Variants in DCPH1 observed in about 807,000 individuals in gnomAD.
The protein encoded by DCPH1 is damage-control phosphatase 1.
chr6:151,454,581 A>G, the DCPH1 span: 1 of 1,569,174 alleles, frequency 6.4e-7, no homozygotes, highest in South Asian at 1.1e-5. Flanking sequence ...AAGACAGAAT[A>G]CCACAGATCT....
At chr6:151,460,404 A>G in the DCPH1 span, among the ~76,000 whole-genome samples, 1 of 151,080 alleles carries the variant, frequency 6.6e-6, no homozygotes, top group Non-Finnish European at 1.5e-5. Flanking sequence ...CGCCCAGCCT[A>G]TATATTTTTT....
chr6:151,460,733 G>A, the DCPH1 span, among the ~76,000 whole-genome samples: 1 of 151,132 alleles, frequency 6.6e-6, no homozygotes, highest in African/African-American at 2.4e-5. Context: ...GCAGTGAGCC[G>A]AAATCACACC....
chr6:151,454,701 A>ATTTCT, the DCPH1 span: 1 of 921,430 alleles, frequency 1.1e-6, no homozygotes, highest in South Asian at 1.4e-5. Context: ...CTCAACAGAA[A>ATTTCT]CATAATAAAT....
chr6:151,458,452 A>T, the DCPH1 span: 2 of 1,613,642 alleles, frequency 1.2e-6, no homozygotes, highest in Admixed American at 3.3e-5. Flanking sequence ...TGGAATCAGT[A>T]CCTAGAATAT....
the DCPH1 span, among the ~76,000 whole-genome samples, chr6:151,463,756 G>C: frequency 6.6e-6 from 1 of 152,112 alleles, no homozygotes; most frequent in Non-Finnish European, 1.5e-5. Context: ...TAATCTGAAT[G>C]TCTTTTATAT....
At chr6:151,459,180 C>A in the DCPH1 span, among the ~76,000 whole-genome samples, 1 of 152,014 alleles carries the variant, frequency 6.6e-6, no homozygotes, top group Admixed American at 6.6e-5. Flanking sequence ...AAGATTCCAA[C>A]AAAGACTTCT....
At chr6:151,461,454 C>T in the DCPH1 span, among the ~76,000 whole-genome samples, 5 of 152,088 alleles carry the variant, frequency 3.3e-5, no homozygotes, top group Non-Finnish European at 5.9e-5. Context: ...GTGGATCTCC[C>T]GAGGTCAGGA....
chr6:151,468,041 T>A, the DCPH1 span, among the ~76,000 whole-genome samples: 1 of 152,240 alleles, frequency 6.6e-6, no homozygotes, highest in Non-Finnish European at 1.5e-5. Context: ...GATGTTCTAA[T>A]ATCTGCAAGC....
the DCPH1 span, among the ~76,000 whole-genome samples, chr6:151,456,123 C>T: frequency 8.9e-3 from 1,363 of 152,322 alleles, 21 homozygotes; most frequent in African/African-American, 0.031. Context: ...AATGGAGTCT[C>T]CTATGTCTAC....
the DCPH1 span, among the ~76,000 whole-genome samples, chr6:151,460,308 TGAACTCCTGACCTC>T: frequency 2.1e-4 from 32 of 151,916 alleles, no homozygotes; most frequent in Middle Eastern, 0.01. Context: ...AGGCTGGCCT[TGAACTCCTGACCTC>T]GAACTCCTGA....
At chr6:151,455,736 ATCC>A in the DCPH1 span, among the ~76,000 whole-genome samples, 10 of 152,028 alleles carry the variant, frequency 6.6e-5, no homozygotes, top group South Asian at 4.1e-4. Context: ...TCTTACACTA[ATCC>A]TCCTCAGCAC....
the DCPH1 span, among the ~76,000 whole-genome samples, chr6:151,464,069 TAC>T: frequency 6.6e-6 from 1 of 152,240 alleles, no homozygotes; most frequent in Admixed American, 6.5e-5. Flanking sequence ...TTATATTCTA[TAC>T]ATTTGTTACT....
the DCPH1 span, among the ~76,000 whole-genome samples, chr6:151,467,205 C>T: frequency 4.6e-5 from 7 of 151,030 alleles, no homozygotes; most frequent in African/African-American, 1.2e-4. Context: ...GAGCCAAGAT[C>T]GCACCACCGC....
chr6:151,458,127 G>T, the DCPH1 span, among the ~76,000 whole-genome samples: 3 of 152,116 alleles, frequency 2.0e-5, no homozygotes, highest in East Asian at 5.8e-4. Flanking sequence ...AACTTAGGTA[G>T]ATAAGGCATG....
the DCPH1 span, among the ~76,000 whole-genome samples, chr6:151,457,246 C>G: frequency 6.6e-6 from 1 of 152,172 alleles, no homozygotes; most frequent in Non-Finnish European, 1.5e-5. Flanking sequence ...GAGACAGGAC[C>G]AGGCTTTATT....
chr6:151,468,162 A>G, the DCPH1 span, among the ~76,000 whole-genome samples: 2 of 152,256 alleles, frequency 1.3e-5, no homozygotes, highest in South Asian at 2.1e-4. Flanking sequence ...TATCTTGTTA[A>G]TACAGCATCA....
the DCPH1 span, chr6:151,469,299 G>T: frequency 2.2e-6 from 1 of 458,408 alleles, no homozygotes. Flanking sequence ...ACTGTTTTGG[G>T]GATAGCTGGG....
the DCPH1 span, among the ~76,000 whole-genome samples, chr6:151,461,717 C>A: frequency 6.6e-6 from 1 of 152,192 alleles, no homozygotes; most frequent in Non-Finnish European, 1.5e-5. Flanking sequence ...GGAATAAATA[C>A]AAATTGCTTA....
At chr6:151,458,486 T>A in the DCPH1 span, 1 of 1,613,202 alleles carries the variant, frequency 6.2e-7, no homozygotes, top group Non-Finnish European at 8.5e-7. Context: ...TAAATGAAAG[T>A]GATGGAAAAT....
Sources: allele counts gnomAD v4.1 joint callset (sites outside exome capture counted in the v4.1 genomes callset), GRCh38; gene constraint gnomAD v4.1.1; transcripts MANE v1.5; gene names NCBI Gene and HGNC (gene_info 2026-07-23, HGNC 2026-07-21).